The following NAA11 variants were observed in gnomAD, a reference collection of about 807,000 sequenced individuals.
NAA11 encodes the protein N-alpha-acetyltransferase 11, NatA catalytic subunit.
A neutral mutation model predicts 16.1 loss-of-function variants in NAA11; 15 were observed. That is an observed-to-expected ratio of 0.93 (90% CI 0.62 to 1.44). The LOEUF is 1.44. NAA11 is among the 40% of genes most tolerant of loss of function. The pLI, the probability that NAA11 is intolerant of heterozygous loss-of-function variation, is 0.00. For synonymous variants in NAA11, 122 were observed against 112.4 expected (o/e 1.09, Z -0.54); for missense variants, 298 against 291.3 (o/e 1.02, Z -0.17).
chr4:79,268,695 A>G (rs1722406267), intron 2 of NAA11, among the ~76,000 whole-genome samples: 1 of 115,004 alleles, frequency 8.7e-6, no homozygotes, highest in African/African-American at 4.1e-5. Flanking sequence ...GTAATTAAGG[A>G]CACTTTGTAT....
At chr4:79,186,065 G>A in the NAA11 span, among the ~76,000 whole-genome samples, 69 of 152,132 alleles carry the variant, frequency 4.5e-4, no homozygotes, top group Non-Finnish European at 8.1e-4. Flanking sequence ...CTGTTTTCTT[G>A]AGAAACATCT....
At chr4:79,259,254 C>A (rs776401846) in intron 2 of NAA11, among the ~76,000 whole-genome samples, 4 of 152,164 alleles carry the variant, frequency 2.6e-5, no homozygotes, top group Non-Finnish European at 5.9e-5. Flanking sequence ...CTGGGAGCTC[C>A]CTGAGCCAGG....
the NAA11 span, among the ~76,000 whole-genome samples, chr4:79,189,629 G>T: frequency 6.6e-6 from 1 of 152,136 alleles, no homozygotes; most frequent in South Asian, 2.1e-4. Flanking sequence ...AGCTGCAGGT[G>T]CACACTGTAT....
chr4:79,248,291 C>CA (rs1420751376), intron 2 of NAA11, among the ~76,000 whole-genome samples: 1 of 152,116 alleles, frequency 6.6e-6, no homozygotes, highest in African/African-American at 2.4e-5. Flanking sequence ...CCCCCAACTG[C>CA]AACCTCCCCC....
At chr4:79,301,353 G>A (rs1578186988) in intron 1 of NAA11, among the ~76,000 whole-genome samples, 1 of 152,106 alleles carries the variant, frequency 6.6e-6, no homozygotes. Context: ...TCCTTGAATA[G>A]TCCTGTGCAC....
intron 2 of NAA11, among the ~76,000 whole-genome samples, chr4:79,268,200 G>T (rs1722394006): frequency 6.6e-6 from 1 of 152,032 alleles, no homozygotes; most frequent in Non-Finnish European, 1.5e-5. Flanking sequence ...AAAATAAAAT[G>T]TTTAAAAAAT....
At chr4:79,263,424 C>G (rs534044436) in intron 2 of NAA11, among the ~76,000 whole-genome samples, 2 of 152,224 alleles carry the variant, frequency 1.3e-5, no homozygotes, top group African/African-American at 4.8e-5. Flanking sequence ...GAACAGCAGG[C>G]AGAGCTTGTA....
At chr4:79,322,646 A>T (rs911662923) in intron 1 of NAA11, among the ~76,000 whole-genome samples, 2 of 152,036 alleles carry the variant, frequency 1.3e-5, no homozygotes, top group African/African-American at 4.8e-5. Context: ...GAAAGTTGAA[A>T]TTTTTTTTAA....
chr4:79,277,807 G>A (rs929363438), intron 2 of NAA11, among the ~76,000 whole-genome samples: 4 of 152,046 alleles, frequency 2.6e-5, no homozygotes, highest in Admixed American at 6.6e-5. Context: ...CACAGCAGCA[G>A]GAGCCACATG....
At chr4:79,194,478 G>C in the NAA11 span, among the ~76,000 whole-genome samples, 1 of 152,044 alleles carries the variant, frequency 6.6e-6, no homozygotes, top group Non-Finnish European at 1.5e-5. Flanking sequence ...ATAATGGGAA[G>C]TGTAACAGTG....
chr4:79,193,051 C>T, the NAA11 span, among the ~76,000 whole-genome samples: 1 of 151,878 alleles, frequency 6.6e-6, no homozygotes, highest in Non-Finnish European at 1.5e-5. Context: ...TGTTCATATC[C>T]TTTGCCCACT....
At chr4:79,273,164 A>G (rs887203947) in intron 2 of NAA11, among the ~76,000 whole-genome samples, 1 of 151,962 alleles carries the variant, frequency 6.6e-6, no homozygotes, top group Non-Finnish European at 1.5e-5. Context: ...GACTCCATAG[A>G]TTCCACCTTT....
the NAA11 span, among the ~76,000 whole-genome samples, chr4:79,172,701 G>A: frequency 2.4e-4 from 37 of 152,134 alleles, no homozygotes; most frequent in Admixed American, 5.9e-4. Context: ...CATATCCTTC[G>A]CTCTTCTCTA....
the NAA11 span, among the ~76,000 whole-genome samples, chr4:79,213,022 A>G: frequency 6.6e-6 from 1 of 152,138 alleles, no homozygotes; most frequent in Admixed American, 6.6e-5. Context: ...TATAACACCA[A>G]ATACAGTACT....
intron 2 of NAA11, among the ~76,000 whole-genome samples, chr4:79,253,763 A>AT (rs983990148): frequency 1.3e-5 from 2 of 152,146 alleles, no homozygotes; most frequent in Admixed American, 1.3e-4. Flanking sequence ...AAGTTTTATT[A>AT]TTTTTTTAAA....
chr4:79,190,098 T>A, the NAA11 span, among the ~76,000 whole-genome samples: 2 of 152,202 alleles, frequency 1.3e-5, no homozygotes, highest in South Asian at 4.1e-4. Context: ...TTATCATGTG[T>A]AAAGCACTTC....
At chr4:79,186,517 T>G in the NAA11 span, among the ~76,000 whole-genome samples, 2 of 152,312 alleles carry the variant, frequency 1.3e-5, no homozygotes, top group East Asian at 3.9e-4. Context: ...ATTGTCATTT[T>G]TATTGCTTTG....
chr4:79,285,810 T>C (rs1207467901), intron 2 of NAA11, among the ~76,000 whole-genome samples: 1 of 151,996 alleles, frequency 6.6e-6, no homozygotes, highest in African/African-American at 2.4e-5. Context: ...GTCACTATAG[T>C]AAATTTTAGA....
intron 1 of NAA11, among the ~76,000 whole-genome samples, chr4:79,295,628 A>G (rs2109996710): frequency 6.6e-6 from 1 of 152,340 alleles, no homozygotes; most frequent in Middle Eastern, 3.4e-3. Flanking sequence ...AAACACTGGG[A>G]AATTGTATTA....
Sources: gnomAD v4.1 joint callset for allele counts (sites outside exome capture counted in the v4.1 genomes callset) on GRCh38, gnomAD v4.1.1 for gene constraint, MANE v1.5 for transcripts, NCBI Gene and HGNC (gene_info 2026-07-23, HGNC 2026-07-21) for gene names.